The following PCDH15 variants were observed in gnomAD, a reference collection of about 807,000 sequenced individuals.
The protein encoded by PCDH15 is protocadherin related 15, also known as protocadherin-15.
Under a neutral mutation model 178.5 loss-of-function variants are expected in PCDH15, and 129 were observed. That is an observed-to-expected ratio of 0.72 (90% CI 0.63 to 0.84). The LOEUF is 0.84. Ranked by LOEUF, PCDH15 falls within the 40% of genes least tolerant of loss-of-function variation. The probability of loss-of-function intolerance (pLI) is 0.00; values close to 1 mark genes in which losing one functional copy is unlikely to be tolerated. For synonymous variants in PCDH15, 800 were observed against 732.0 expected, an observed-to-expected ratio of 1.09 and a Z score of -1.50; for missense variants, 2,230 against 2,099.9, an observed-to-expected ratio of 1.06 and a Z score of -1.21.
chr10:54,780,733 T>TAAAAAAAAAAAAAAAAAAAA (rs35494053), intron 1 of PCDH15, among the ~76,000 whole-genome samples: 1 of 114,330 alleles, frequency 8.7e-6, no homozygotes, highest in African/African-American at 3.2e-5. Flanking sequence ...AGCAATTGTG[T>TAAAAAAAAAAAAAAAAAAAA]AAAAAAAAAA....
rs1278924486 is a variant in PCDH15 at position 53,840,234 on chromosome 10, C to A, written c.3983+86G>T. 3.4e-6 allele frequency: 5 copies of A among 1,473,194 alleles called. No individual in the cohort carries two copies. In the Admixed American group the frequency reaches 5.0e-5, roughly 15 times the overall value. The allele number at this position is 1,473,194 out of a possible 1,614,324, so 91.3% of individuals were successfully genotyped here. A position where few individuals can be genotyped will look rare whatever the true frequency, so the allele number is the denominator to read the frequency against. ...CAGTAACTATTTGGTGGGTTTTAAA[C>A]TTTAAGTACTTATAGCCTCAAGTCA... On this transcript the variant is annotated intron_variant, in intron 29 of 37. Coordinates refer to ENST00000644397, the MANE Select transcript of PCDH15 (RefSeq NM_001384140.1).
At chr10:53,986,663 TG>T (rs1230948295) in intron 21 of PCDH15, among the ~76,000 whole-genome samples, 1 of 152,194 alleles carries the variant, frequency 6.6e-6, no homozygotes, top group Non-Finnish European at 1.5e-5. Flanking sequence ...AAGGAAGTAC[TG>T]CCATTTGTAA....
At chr10:54,088,895 A>G (rs200688355) in intron 16 of PCDH15, among the ~76,000 whole-genome samples, 53 of 152,216 alleles carry the variant, frequency 3.5e-4, no homozygotes, top group East Asian at 2.7e-3. Context: ...TTATATATCT[A>G]TCTTTATGCT....
intron 2 of PCDH15, among the ~76,000 whole-genome samples, chr10:55,587,114 T>C (rs1425474497): frequency 1.3e-5 from 2 of 152,094 alleles, no homozygotes; most frequent in African/African-American, 4.8e-5. Context: ...GTACCTTTTT[T>C]GTATTGTTAA....
At chr10:55,165,959 A>C (rs917859185) in intron 2 of PCDH15, among the ~76,000 whole-genome samples, 3 of 152,220 alleles carry the variant, frequency 2.0e-5, no homozygotes, top group Middle Eastern at 3.4e-3. Context: ...TACCACTAAA[A>C]TACAATTCTC....
intron 2 of PCDH15, chr10:55,469,054 A>C (rs1839903405): frequency 6.6e-6 from 1 of 152,180 alleles, no homozygotes; most frequent in Admixed American, 6.5e-5. Context: ...GAATCAAATT[A>C]ACGTTTTAAG....
intron 2 of PCDH15, among the ~76,000 whole-genome samples, chr10:55,401,637 T>TGTGTGTGTGTGTGTGTG (rs1554862654): frequency 1.4e-5 from 2 of 146,046 alleles, no homozygotes; most frequent in African/African-American, 5.0e-5. Context: ...TGTGTGTGTG[T>TGTGTGTGTGTGTGTGTG]AGTGAGTAGC....
At chr10:54,461,116 A>G (rs1439027841) in intron 3 of PCDH15, among the ~76,000 whole-genome samples, 1 of 152,076 alleles carries the variant, frequency 6.6e-6, no homozygotes, top group Non-Finnish European at 1.5e-5. Context: ...CGACTATGCA[A>G]TTCAGAAGCA....
At chr10:54,448,027 G>T (rs72790507) in intron 3 of PCDH15, among the ~76,000 whole-genome samples, 10,696 of 151,468 alleles carry the variant, frequency 0.071, 446 homozygotes, top group African/African-American at 0.1. Flanking sequence ...CTTAAGAAAA[G>T]ATTTTATTCA....
At chr10:55,442,240 T>C (rs1319549989) in intron 2 of PCDH15, among the ~76,000 whole-genome samples, 1 of 151,738 alleles carries the variant, frequency 6.6e-6, no homozygotes, top group Non-Finnish European at 1.5e-5. Flanking sequence ...AAAAGAACAA[T>C]ATACTGGCAG....
chr10:55,326,945 T>C (rs1193228642), intron 2 of PCDH15, among the ~76,000 whole-genome samples: 2 of 152,148 alleles, frequency 1.3e-5, no homozygotes, highest in African/African-American at 4.8e-5. Context: ...AAAACAAATG[T>C]ATTTCTAGAC....
At chr10:55,446,390 C>A (rs1490228693) in intron 2 of PCDH15, among the ~76,000 whole-genome samples, 2 of 151,440 alleles carry the variant, frequency 1.3e-5, no homozygotes, top group Non-Finnish European at 2.9e-5. Context: ...AAAAAGAAAA[C>A]ATTCAGAGAA....
chr10:55,260,127 A>G, intron 1 of PCDH15, among the ~76,000 whole-genome samples: 1 of 151,380 alleles, frequency 6.6e-6, no homozygotes, highest in East Asian at 1.9e-4. Context: ...CAAAGCACAA[A>G]TGGAGTGGTA....
intron 28 of PCDH15, among the ~76,000 whole-genome samples, chr10:53,850,297 A>G (rs2078274170): frequency 6.6e-6 from 1 of 152,204 alleles, no homozygotes; most frequent in South Asian, 2.1e-4. Flanking sequence ...TAAAGATGCT[A>G]CTGCAATGTG....
In PCDH15 at chr10:54,651,987, C is replaced by A. The variant is rs532455900; in HGVS notation, c.91+12185G>T. On this transcript the variant is annotated intron_variant, in intron 2 of 37. Transcript: ENST00000644397. The stretch of plus-strand genomic sequence containing the variant: ...AGATTTCAATGACAAAAAAAAAAAA[C>A]CACACCTACCTTCCCAGTTCTTATA... Among the ~76,000 whole-genome samples, 416 of 148,946 alleles carry A rather than the reference C, an allele frequency of 2.8e-3. 1 individual carries two copies. The highest frequency in any genetic ancestry group is 4.9e-3 in the East Asian group (25 of 5,098).
At chr10:54,745,906 A>C (rs894529870) in intron 1 of PCDH15, among the ~76,000 whole-genome samples, 4 of 152,174 alleles carry the variant, frequency 2.6e-5, no homozygotes, top group Admixed American at 1.3e-4. Flanking sequence ...ATTTTCTTGA[A>C]GATATGGCAG....
chr10:54,459,818 C>A (rs752224885), intron 3 of PCDH15, among the ~76,000 whole-genome samples: 2 of 151,170 alleles, frequency 1.3e-5, no homozygotes, highest in Non-Finnish European at 2.9e-5. Context: ...GAATAAACTC[C>A]TATTTCACTG....
At chr10:54,315,048 T>G (rs2061156187) in intron 8 of PCDH15, among the ~76,000 whole-genome samples, 1 of 152,184 alleles carries the variant, frequency 6.6e-6, no homozygotes, top group African/African-American at 2.4e-5. Flanking sequence ...TCTGGGTATA[T>G]TCCCAGTAAT....
chr10:53,876,426 T>G (rs2080248188), intron 26 of PCDH15, among the ~76,000 whole-genome samples: 1 of 152,076 alleles, frequency 6.6e-6, no homozygotes, highest in Admixed American at 6.5e-5. Context: ...GACCTCGTGA[T>G]CCACCCGGCT....
Sources: gnomAD v4.1 joint callset for allele counts (sites outside exome capture counted in the v4.1 genomes callset) on GRCh38, gnomAD v4.1.1 for gene constraint, MANE v1.5 for transcripts, NCBI Gene and HGNC (gene_info 2026-07-23, HGNC 2026-07-21) for gene names.